The following EYS variants were observed in gnomAD, a reference collection of about 807,000 sequenced individuals.
EYS encodes the protein protein eyes shut homolog.
Under a neutral mutation model 282.1 loss-of-function variants are expected in EYS, and 250 were observed. That is an observed-to-expected ratio of 0.89 (90% CI 0.80 to 0.98). EYS has a LOEUF of 0.98. EYS is among the 50% of genes least tolerant of loss of function. The probability of loss-of-function intolerance (pLI) is 0.00; values close to 1 mark genes in which losing one functional copy is unlikely to be tolerated. For missense variants in EYS, 4,016 were observed against 3,709.0 expected, an observed-to-expected ratio of 1.08 and a Z score of -2.15; for synonymous variants, 1,355 against 1,282.9, an observed-to-expected ratio of 1.06 and a Z score of -1.20.
At chr6:65,633,862 G>C (rs759414017) in intron 2 of EYS, among the ~76,000 whole-genome samples, 1 of 152,138 alleles carries the variant, frequency 6.6e-6, no homozygotes, top group African/African-American at 2.4e-5. Flanking sequence ...CTGTTTTCCC[G>C]CTGCAATGGC....
chr6:65,500,831 G>T (rs1766423096), intron 2 of EYS, among the ~76,000 whole-genome samples: 1 of 151,928 alleles, frequency 6.6e-6, no homozygotes, highest in Admixed American at 6.6e-5. Flanking sequence ...GAATGTGCAA[G>T]GGTCAGTGAT....
At chr6:64,323,291 T>C (rs1219856216) in intron 29 of EYS, among the ~76,000 whole-genome samples, 1 of 152,166 alleles carries the variant, frequency 6.6e-6, no homozygotes, top group African/African-American at 2.4e-5. Context: ...TCCTATGTGA[T>C]TGGCTTCTTT....
intron 14 of EYS, among the ~76,000 whole-genome samples, chr6:64,961,505 G>T (rs1472118151): frequency 6.6e-6 from 1 of 151,050 alleles, no homozygotes; most frequent in South Asian, 2.1e-4. Flanking sequence ...TTGTATATTT[G>T]TATATACATG....
At chr6:65,140,650 AAAC>A (rs1764306424) in intron 12 of EYS, among the ~76,000 whole-genome samples, 1 of 151,388 alleles carries the variant, frequency 6.6e-6, no homozygotes, top group Non-Finnish European at 1.5e-5. Flanking sequence ...GACAAGAAGA[AAAC>A]AAACAACCCC....
chr6:64,750,032 G>A (rs1032196435), intron 22 of EYS, among the ~76,000 whole-genome samples: 1 of 151,778 alleles, frequency 6.6e-6, no homozygotes, highest in Non-Finnish European at 1.5e-5. Flanking sequence ...TGTCATTTGG[G>A]ATTAATTTGA....
chr6:64,037,933 A>C (rs900242666), intron 33 of EYS, among the ~76,000 whole-genome samples: 1 of 152,224 alleles, frequency 6.6e-6, no homozygotes, highest in Non-Finnish European at 1.5e-5. Flanking sequence ...AGATACTTAA[A>C]TTGTAATTTA....
At chr6:65,617,058 A>T (rs1766226726) in intron 2 of EYS, among the ~76,000 whole-genome samples, 1 of 152,170 alleles carries the variant, frequency 6.6e-6, no homozygotes, top group Non-Finnish European at 1.5e-5. Flanking sequence ...ATTTTTATGG[A>T]AAGGGAGAAA....
chr6:65,068,149 C>G (rs925524238), intron 12 of EYS, among the ~76,000 whole-genome samples: 1 of 152,034 alleles, frequency 6.6e-6, no homozygotes, highest in Admixed American at 6.6e-5. Flanking sequence ...AGAGATTTTT[C>G]AAACCTATTT....
chr6:65,560,494 T>G (rs966716791), intron 2 of EYS, among the ~76,000 whole-genome samples: 5 of 150,096 alleles, frequency 3.3e-5, no homozygotes, highest in African/African-American at 1.2e-4. Flanking sequence ...ATTTTGTAAC[T>G]TTCACTTCAA....
chr6:64,280,897 G>A (rs182196808), intron 30 of EYS, among the ~76,000 whole-genome samples: 141 of 152,184 alleles, frequency 9.3e-4, no homozygotes, highest in Middle Eastern at 3.4e-3. Flanking sequence ...TTTAAACTTT[G>A]AGAAAATTAG....
rs576023001 is a variant in EYS, at chr6:64,130,422, T to C, written c.6425-48420A>G. Among the ~76,000 whole-genome samples the C allele has an allele frequency of 5.3e-5, 8 of 152,056 alleles. No homozygotes were observed. In the South Asian group the frequency reaches 1.2e-3, roughly 24 times the overall value. ...GCATGTTCTCACTCATAGGTGAGAA[T>C]TGAACAATGAGAACACATGGACACA... On this transcript the variant is annotated intron_variant, in intron 31 of 42. Coordinates refer to ENST00000503581, the MANE Select transcript of EYS (RefSeq NM_001142800.2).
In EYS at chr6:63,879,600, C is replaced by G. The variant is rs555692061; in HGVS notation, c.7056-15242G>C. On this transcript the variant is annotated intron_variant, in intron 35 of 42. Coordinates refer to ENST00000503581, the MANE Select transcript of EYS (RefSeq NM_001142800.2). ...TTTTAGGCTTAAATGCATATATACT[C>G]TTTCTCTTATAAATGCAATTACCAC... 1.2e-4 allele frequency among the ~76,000 whole-genome samples: 18 copies of G among 152,262 alleles called. No homozygotes were observed. In the South Asian group the frequency reaches 1.7e-3, roughly 14 times the overall value.
intron 26 of EYS, among the ~76,000 whole-genome samples, chr6:64,485,043 A>T (rs188349281): frequency 5.3e-5 from 8 of 151,732 alleles, no homozygotes; most frequent in Admixed American, 1.3e-4. Flanking sequence ...GAGCTTACTG[A>T]TTTAGGAATA....
intron 26 of EYS, among the ~76,000 whole-genome samples, chr6:64,524,450 C>A (rs924629103): frequency 6.6e-6 from 1 of 151,686 alleles, no homozygotes; most frequent in South Asian, 2.1e-4. Context: ...TAGATAGTTT[C>A]TTTTGCTGTG....
At chr6:63,880,487 G>GTCTGTATCTATC (rs537041801) in intron 35 of EYS, among the ~76,000 whole-genome samples, 81 of 142,878 alleles carry the variant, frequency 5.7e-4, no homozygotes, top group Middle Eastern at 3.5e-3. Context: ...CTGTCTGTCT[G>GTCTGTATCTATC]TATCTATCTA....
chr6:64,343,927 C>T (rs1395091134), intron 29 of EYS, among the ~76,000 whole-genome samples: 2 of 152,076 alleles, frequency 1.3e-5, no homozygotes, highest in South Asian at 2.1e-4. Flanking sequence ...ACTATAAACA[C>T]CTCTACTCAA....
At chr6:65,703,054 CT>C (rs1233405466) in intron 1 of EYS, among the ~76,000 whole-genome samples, 1 of 152,138 alleles carries the variant, frequency 6.6e-6, no homozygotes, top group Non-Finnish European at 1.5e-5. Context: ...CATTCAGCCT[CT>C]AAACTGCCTT....
At chr6:64,456,797 CT>C (rs1178307509) in intron 26 of EYS, among the ~76,000 whole-genome samples, 1 of 151,860 alleles carries the variant, frequency 6.6e-6, no homozygotes, top group African/African-American at 2.4e-5. Context: ...ACATAAAAGT[CT>C]CTCATTTCCC....
chr6:65,593,514 GA>G (rs1765302176), intron 2 of EYS, among the ~76,000 whole-genome samples: 3 of 151,980 alleles, frequency 2.0e-5, no homozygotes, highest in Non-Finnish European at 2.9e-5. Flanking sequence ...GCCCACCTCA[GA>G]ACATTTAAGT....
Sources: allele counts gnomAD v4.1 joint callset (sites outside exome capture counted in the v4.1 genomes callset), GRCh38; gene constraint gnomAD v4.1.1; transcripts MANE v1.5; gene names NCBI Gene and HGNC (gene_info 2026-07-23, HGNC 2026-07-21).